Variants in C1orf185 observed in about 807,000 individuals in gnomAD.
C1orf185 encodes the protein uncharacterized protein C1orf185.
Under a neutral mutation model 16.1 loss-of-function variants are expected in C1orf185, and 13 were observed. The observed-to-expected ratio is 0.81, with a 90% CI of 0.53 to 1.28. The LOEUF (loss-of-function observed/expected upper bound fraction) is 1.28. C1orf185 is among the 50% of genes most tolerant of loss of function. The probability of loss-of-function intolerance (pLI) is 0.00; values close to 1 mark genes in which losing one functional copy is unlikely to be tolerated. For synonymous variants in C1orf185, 80 were observed against 76.9 expected, an observed-to-expected ratio of 1.04 and a Z score of -0.21; for missense variants, 220 against 225.2, an observed-to-expected ratio of 0.98 and a Z score of 0.15.
intron 1 of C1orf185, among the ~76,000 whole-genome samples, chr1:51,106,108 G>A (rs1181457475): frequency 6.6e-6 from 1 of 152,084 alleles, no homozygotes; most frequent in African/African-American, 2.4e-5. Flanking sequence ...ATTCTCAGAG[G>A]TGAAAGCTAA....
chr1:51,138,963 C>T (rs540575845), intron 3 of C1orf185, among the ~76,000 whole-genome samples: 2 of 152,256 alleles, frequency 1.3e-5, no homozygotes, highest in African/African-American at 4.8e-5. Context: ...GCTGGGATTA[C>T]AGGCATGATC....
At chr1:51,137,791 G>A (rs1646337201) in intron 3 of C1orf185, among the ~76,000 whole-genome samples, 1 of 152,166 alleles carries the variant, frequency 6.6e-6, no homozygotes, top group Non-Finnish European at 1.5e-5. Flanking sequence ...GCAAAGACAT[G>A]GAATCGACCT....
At chr1:51,123,595 T>G (rs1431885723) in intron 3 of C1orf185, among the ~76,000 whole-genome samples, 2 of 152,198 alleles carry the variant, frequency 1.3e-5, no homozygotes, top group African/African-American at 4.8e-5. Flanking sequence ...GTGCCAATTT[T>G]TCTTCCAAAG....
intron 3 of C1orf185, among the ~76,000 whole-genome samples, chr1:51,142,858 C>T (rs928219447): frequency 6.6e-6 from 1 of 152,044 alleles, no homozygotes; most frequent in African/African-American, 2.4e-5. Flanking sequence ...CTGCAACCTC[C>T]ACCTCCCAGA....
chr1:51,146,354 G>C (rs1646400686), intron 4 of C1orf185, among the ~76,000 whole-genome samples: 1 of 151,682 alleles, frequency 6.6e-6, no homozygotes, highest in Non-Finnish European at 1.5e-5. Flanking sequence ...AGCTACTTGG[G>C]AGGCTGGGGC....
intron 3 of C1orf185, chr1:51,129,887 C>T (rs546618668): frequency 1.1e-4 from 16 of 152,294 alleles, no homozygotes; most frequent in Admixed American, 3.9e-4. Context: ...AAGGCTCCAC[C>T]TCCTAATATC....
At chr1:51,123,204 T>TCCATTAAG (rs1350694210) in intron 3 of C1orf185, among the ~76,000 whole-genome samples, 4 of 152,154 alleles carry the variant, frequency 2.6e-5, no homozygotes, top group African/African-American at 9.7e-5. Context: ...AATCTATTAA[T>TCCATTAAG]CCATTAAGCC....
intron 1 of C1orf185, among the ~76,000 whole-genome samples, chr1:51,106,375 CTT>C (rs899412395): frequency 1.3e-5 from 2 of 148,356 alleles, no homozygotes; most frequent in East Asian, 2.0e-4. Flanking sequence ...CCCTATCTCT[CTT>C]TTTTTTTTAA....
intron 3 of C1orf185, among the ~76,000 whole-genome samples, chr1:51,120,746 T>A (rs1646191961): frequency 6.6e-6 from 1 of 152,242 alleles, no homozygotes; most frequent in South Asian, 2.1e-4. Context: ...GTATAGACAC[T>A]AATAGACAAT....
intron 3 of C1orf185, among the ~76,000 whole-genome samples, chr1:51,131,240 G>C (rs980414038): frequency 1.3e-5 from 2 of 152,200 alleles, no homozygotes; most frequent in Non-Finnish European, 2.9e-5. Context: ...TTTAGGTCAA[G>C]GTTCATTTGT....
intron 1 of C1orf185, among the ~76,000 whole-genome samples, chr1:51,112,163 A>G (rs2148011658): frequency 1.3e-5 from 2 of 151,650 alleles, no homozygotes; most frequent in East Asian, 1.9e-4. Context: ...ACTGAGAAGG[A>G]AGAAAAACAG....
At chr1:51,113,631 G>A (rs1017470807) in intron 2 of C1orf185, among the ~76,000 whole-genome samples, 4 of 152,170 alleles carry the variant, frequency 2.6e-5, no homozygotes, top group African/African-American at 7.2e-5. Context: ...GTTGCAGTGA[G>A]CCGAGATTGT....
chr1:51,130,964 G>A (rs557417592), intron 3 of C1orf185, among the ~76,000 whole-genome samples: 18 of 152,218 alleles, frequency 1.2e-4, no homozygotes, highest in African/African-American at 3.9e-4. Flanking sequence ...GTGCAGCGGC[G>A]CTATCTTGGC....
chr1:51,151,216 T>C (rs1445617276), downstream of C1orf185, among the ~76,000 whole-genome samples: 1 of 152,242 alleles, frequency 6.6e-6, no homozygotes, highest in Non-Finnish European at 1.5e-5. Flanking sequence ...GGTTGTAACC[T>C]GGTCTCAGGA....
At chr1:51,141,303 AAC>A (rs1261147879) in intron 3 of C1orf185, among the ~76,000 whole-genome samples, 1 of 152,146 alleles carries the variant, frequency 6.6e-6, no homozygotes, top group African/African-American at 2.4e-5. Flanking sequence ...TAGCCTTGGC[AAC>A]ACAGACAGAC....
chr1:51,124,081 G>GTTTT lies in C1orf185; in HGVS notation c.258+5297_258+5300dup, dbSNP rs893846873. Among the ~76,000 whole-genome samples, 253 of 113,446 alleles carry GTTTT rather than the reference G, an allele frequency of 2.2e-3. 1 individual carries two copies. The highest frequency in any genetic ancestry group is 2.8e-3 in the Non-Finnish European group (152 of 53,666). 74.4% of individuals were successfully genotyped at this position (113,446 alleles called of 152,430 possible). The stretch of plus-strand genomic sequence containing the variant: ...ATCTCTTGGTATTTCACTGTAGTTT[G>GTTTT]TTTTTTTTTTTTTTTTTTTTGAGAC... On this transcript the variant is annotated intron_variant, in intron 3 of 4. Coordinates refer to ENST00000371759, the MANE Select transcript of C1orf185 (RefSeq NM_001136508.2).
At chr1:51,115,343 GATA>G (rs1387079629) in intron 2 of C1orf185, among the ~76,000 whole-genome samples, 1 of 152,024 alleles carries the variant, frequency 6.6e-6, no homozygotes, top group Non-Finnish European at 1.5e-5. Context: ...GTCTCAAAAT[GATA>G]ATAATATTTT....
chr1:51,121,531 G>C (rs974112057), intron 3 of C1orf185, among the ~76,000 whole-genome samples: 1 of 152,036 alleles, frequency 6.6e-6, no homozygotes, highest in African/African-American at 2.4e-5. Context: ...AAAAAAAATA[G>C]TATAAAAAGT....
In C1orf185 at chr1:51,147,916, T is replaced by G; in HGVS notation, c.*145T>G. 1.4e-6 allele frequency: 1 copy of G among 704,020 alleles called. No homozygotes were observed. The highest frequency in any genetic ancestry group is 2.2e-6 in the Non-Finnish European group (1 of 457,002). 43.6% of individuals were successfully genotyped at this position (704,020 alleles called of 1,614,324 possible). On this transcript the variant is annotated 3_prime_UTR_variant, in exon 5 of 5. Transcript: ENST00000371759. ...GCTTCTGAGTCTCTTAACATGTCCA[T>G]GCTAATATTGCTTTTTTTGTTCTTT...
Sources: gnomAD v4.1 joint callset for allele counts (sites outside exome capture counted in the v4.1 genomes callset) on GRCh38, gnomAD v4.1.1 for gene constraint, MANE v1.5 for transcripts, NCBI Gene and HGNC (gene_info 2026-07-23, HGNC 2026-07-21) for gene names.